The following DIRAS2 variants were observed in gnomAD, a reference collection of about 807,000 sequenced individuals.
DIRAS2 encodes GTP-binding protein Di-Ras2.
A neutral mutation model predicts 13.9 loss-of-function variants in DIRAS2; 5 were observed. The ratio of observed to expected loss-of-function variants is 0.36; its 90% CI spans 0.19 to 0.76. The LOEUF is 0.76. Ranked by LOEUF, DIRAS2 falls within the 30% of genes least tolerant of loss-of-function variation. The pLI, the probability that DIRAS2 is intolerant of heterozygous loss-of-function variation, is 0.53. For missense variants in DIRAS2, 191 were observed against 263.0 expected (o/e 0.73, Z 1.89); for synonymous variants, 111 against 105.4 (o/e 1.05, Z -0.33).
chr9:90,614,757 G>A lies in DIRAS2; in HGVS notation c.-36-894C>T, dbSNP rs7025960. 3.9e-3 allele frequency among the ~76,000 whole-genome samples: 592 copies of A among 152,198 alleles called. 5 individuals carry two copies. Among genetic ancestry groups the A allele is most frequent in the African/African-American group, 0.013 (551 of 41,522 alleles). On this transcript the variant is annotated intron_variant, in intron 1 of 1. Transcript: ENST00000375765. The stretch of plus-strand genomic sequence containing the variant: ...TAAGCTTTATTTTTAAGAAACATAA[G>A]GAATCAGGTATTACCAGGATAGTAG...
At chr9:90,633,171 C>T (rs376304993) in intron 1 of DIRAS2, among the ~76,000 whole-genome samples, 5 of 152,294 alleles carry the variant, frequency 3.3e-5, no homozygotes, top group South Asian at 2.1e-4. Context: ...ACTGAAGGGG[C>T]CCTGGCTTCC....
rs994886960 is a variant in DIRAS2, at chr9:90,612,731, T to TA, written c.*496dup. 13 of 158,728 alleles carry TA rather than the reference T, an allele frequency of 8.2e-5. No homozygotes were observed. Among genetic ancestry groups the TA allele is most frequent in the Admixed American group, 7.7e-4 (13 of 16,806 alleles). 9.8% of individuals were successfully genotyped at this position (158,728 alleles called of 1,614,324 possible). A position where few individuals can be genotyped will look rare whatever the true frequency, so the allele number is the denominator to read the frequency against. On this transcript the variant is annotated 3_prime_UTR_variant, in exon 2 of 2. Transcript: ENST00000375765. ...AGAGGCTGTGTTTTTTAATCCCCTT[T>TA]AAAAAAGTGTAAAATGGACCAAGTG...
intron 1 of DIRAS2, among the ~76,000 whole-genome samples, chr9:90,625,035 T>A (rs1587722963): frequency 6.6e-6 from 1 of 152,228 alleles, no homozygotes; most frequent in East Asian, 1.9e-4. Flanking sequence ...ATCATGTGAA[T>A]AACAAACAAG....
chr9:90,619,381 T>A (rs1465452057), intron 1 of DIRAS2, among the ~76,000 whole-genome samples: 1 of 152,190 alleles, frequency 6.6e-6, no homozygotes, highest in Non-Finnish European at 1.5e-5. Flanking sequence ...AGGCAGAGGT[T>A]GCAGTGTGCC....
At chr9:90,625,087 C>T (rs1825255912) in intron 1 of DIRAS2, among the ~76,000 whole-genome samples, 1 of 152,224 alleles carries the variant, frequency 6.6e-6, no homozygotes, top group Non-Finnish European at 1.5e-5. Flanking sequence ...ATGACCGATG[C>T]AGCATGCTAA....
chr9:90,642,297 A>G (rs1315203611), intron 1 of DIRAS2, among the ~76,000 whole-genome samples: 2 of 152,226 alleles, frequency 1.3e-5, no homozygotes, highest in African/African-American at 4.8e-5. Flanking sequence ...AAAGATTTAG[A>G]CAGGTCTCGG....
intron 1 of DIRAS2, among the ~76,000 whole-genome samples, chr9:90,633,753 C>T (rs1825347180): frequency 1.3e-5 from 2 of 152,126 alleles, no homozygotes; most frequent in Non-Finnish European, 2.9e-5. Context: ...GGCGAGTGCC[C>T]ACTGGATGCA....
chr9:90,624,400 G>A lies in DIRAS2; in HGVS notation c.-36-10537C>T, dbSNP rs1355278530. ...AGCAGAATGCTTTTCCCGGAATCTT[G>A]TATTGTAGTGTTGTAAAGACATCTT... On this transcript the variant is annotated intron_variant, in intron 1 of 1. Transcript: ENST00000375765. Among the ~76,000 whole-genome samples, 13 of 142,588 alleles carry A rather than the reference G, an allele frequency of 9.1e-5. 1 individual carries two copies. In the Middle Eastern group the frequency reaches 0.029, roughly 320 times the overall value. The allele number at this position is 142,588 out of a possible 152,430, so 93.5% of individuals were successfully genotyped here. A position where few individuals can be genotyped will look rare whatever the true frequency, so the allele number is the denominator to read the frequency against.
chr9:90,625,132 CA>C (rs1825256328), intron 1 of DIRAS2, among the ~76,000 whole-genome samples: 1 of 152,182 alleles, frequency 6.6e-6, no homozygotes, highest in South Asian at 2.1e-4. Flanking sequence ...AAGATAAAGT[CA>C]ACTGGAGCAC....
intron 1 of DIRAS2, among the ~76,000 whole-genome samples, chr9:90,639,544 A>T (rs1825400026): frequency 6.6e-6 from 1 of 152,130 alleles, no homozygotes; most frequent in African/African-American, 2.4e-5. Context: ...TAAGTTGCTG[A>T]CCTCTGCAAT....
At chr9:90,625,157 T>C (rs937898529) in intron 1 of DIRAS2, among the ~76,000 whole-genome samples, 1 of 152,198 alleles carries the variant, frequency 6.6e-6, no homozygotes, top group South Asian at 2.1e-4. Flanking sequence ...AATCTGCATG[T>C]ATGGAAAATA....
intron 1 of DIRAS2, among the ~76,000 whole-genome samples, chr9:90,620,898 T>C (rs1174241224): frequency 2.6e-5 from 4 of 152,242 alleles, no homozygotes; most frequent in Non-Finnish European, 4.4e-5. Flanking sequence ...TGTTGTTATA[T>C]GACCATTATC....
At chr9:90,626,553 T>A (rs192300621) in intron 1 of DIRAS2, among the ~76,000 whole-genome samples, 162 of 151,684 alleles carry the variant, frequency 1.1e-3, no homozygotes, top group African/African-American at 3.7e-3. Context: ...ATTAGGGAAA[T>A]GTAAATCAGT....
At chr9:90,616,505 T>C (rs1825169840) in intron 1 of DIRAS2, among the ~76,000 whole-genome samples, 1 of 152,074 alleles carries the variant, frequency 6.6e-6, no homozygotes, top group Admixed American at 6.6e-5. Context: ...ACTAAGGAGG[T>C]GGCATGGAAG....
intron 1 of DIRAS2, among the ~76,000 whole-genome samples, chr9:90,627,683 T>C (rs1825283910): frequency 6.6e-6 from 1 of 152,198 alleles, no homozygotes; most frequent in Non-Finnish European, 1.5e-5. Context: ...AATGGAAAAT[T>C]GTATGTTATA....
At chr9:90,620,145 T>C (rs1236418898) in intron 1 of DIRAS2, among the ~76,000 whole-genome samples, 2 of 152,158 alleles carry the variant, frequency 1.3e-5, no homozygotes, top group Non-Finnish European at 2.9e-5. Context: ...CCTGCGAATG[T>C]ACTAAAAACC....
Position 90,612,464 on chromosome 9 carries a change from A to G in DIRAS2, c.*764T>C, listed in dbSNP as rs986589568. 6.6e-6 allele frequency: 1 copy of G among 152,392 alleles called. No individual in the cohort carries two copies. The highest frequency in any genetic ancestry group is 6.5e-5 in the Admixed American group (1 of 15,294). The allele number at this position is 152,392 out of a possible 1,614,324, so 9.4% of individuals were successfully genotyped here. On this transcript the variant is annotated 3_prime_UTR_variant, in exon 2 of 2. Transcript: ENST00000375765. ...ATCACATTTCTAAAACCCTCGATGT[A>G]TAACACACAGGAACATTATTGCGAT...
chr9:90,630,916 C>T (rs1825319155), intron 1 of DIRAS2, among the ~76,000 whole-genome samples: 1 of 152,146 alleles, frequency 6.6e-6, no homozygotes, highest in South Asian at 2.1e-4. Context: ...AGATAGCCCA[C>T]AGCAATGTAA....
At chr9:90,621,199 G>C (rs1228190230) in intron 1 of DIRAS2, among the ~76,000 whole-genome samples, 1 of 152,140 alleles carries the variant, frequency 6.6e-6, no homozygotes, top group Non-Finnish European at 1.5e-5. Context: ...GAGATGGCTA[G>C]AAAGACAAGA....
Sources: gnomAD v4.1 joint callset for allele counts (sites outside exome capture counted in the v4.1 genomes callset) on GRCh38, gnomAD v4.1.1 for gene constraint, MANE v1.5 for transcripts, NCBI Gene and HGNC (gene_info 2026-07-23, HGNC 2026-07-21) for gene names.